PABPC1L: variants seen among roughly 807,000 people sequenced by gnomAD.
The protein encoded by PABPC1L is poly(A) binding protein cytoplasmic 1 like, also known as polyadenylate-binding protein 1-like.
In PABPC1L, 31 loss-of-function variants were observed where a neutral mutation model predicts 66.6. That is an observed-to-expected ratio of 0.47 (90% CI 0.35 to 0.63). The LOEUF (loss-of-function observed/expected upper bound fraction) is 0.63. Ranked by LOEUF, PABPC1L falls within the 20% of genes least tolerant of loss-of-function variation. The probability of loss-of-function intolerance (pLI) is 0.00; values close to 1 mark genes in which losing one functional copy is unlikely to be tolerated. For synonymous variants in PABPC1L, 348 were observed against 335.1 expected (o/e 1.04, Z -0.42); for missense variants, 722 against 848.8 (o/e 0.85, Z 1.86).
Position 44,932,324 on chromosome 20 carries a change from T to C in PABPC1L, c.1240-18T>C. 6.3e-7 allele frequency: 1 copy of C among 1,590,562 alleles called. No individual in the cohort carries two copies. On this transcript the variant is annotated intron_variant, in intron 8 of 14. Transcript: ENST00000217073. The stretch of plus-strand genomic sequence containing the variant: ...CTGCCGCCAAGCCCCTCAGTCTGGG[T>C]CTTCTTTTCCCATGCAGCCTCCAGC...
chr20:44,917,190 T>G (rs1054092110), intron 3 of PABPC1L, among the ~76,000 whole-genome samples: 2 of 152,048 alleles, frequency 1.3e-5, no homozygotes, highest in East Asian at 1.9e-4. Context: ...CAGTATGGGG[T>G]GTATGTGTGT....
At chr20:44,933,253 T>C in intron 10 of PABPC1L, 68 bp downstream of exon 10, 1 of 1,331,024 alleles carries the variant, frequency 7.5e-7, no homozygotes. Flanking sequence ...AGGACCAGCC[T>C]CCATGGTGAC....
chr20:44,936,972 T>C, intron 12 of PABPC1L: 1 of 620,448 alleles, frequency 1.6e-6, no homozygotes, highest in South Asian at 1.5e-5. Context: ...TCCTGTGACT[T>C]TGAGGTTGGG....
rs1466298814 is a variant in PABPC1L at position 44,932,443 on chromosome 20, C to T, written c.1330+11C>T. ...CACCTAGACCTTCCTGTGAGTGACC[C>T]AGCCCCTTCCACTCTCAGACTGGCC... On this transcript the variant is annotated intron_variant, in intron 9 of 14. Coordinates refer to ENST00000217073, the MANE Select transcript of PABPC1L (RefSeq NM_001372179.1). The T allele has an allele frequency of 6.2e-7, 1 of 1,604,344 alleles. No individual in the cohort carries two copies. The highest frequency in any genetic ancestry group is 2.2e-5 in the East Asian group (1 of 44,628).
At chr20:44,915,814 A>AG (rs1196462484) in intron 2 of PABPC1L, among the ~76,000 whole-genome samples, 1 of 152,088 alleles carries the variant, frequency 6.6e-6, no homozygotes, top group Non-Finnish European at 1.5e-5. Context: ...AAAAAAAAAA[A>AG]AAAAATTGAA....
chr20:44,910,662 T>C (rs577808151), intron 1 of PABPC1L, among the ~76,000 whole-genome samples: 157 of 152,272 alleles, frequency 1.0e-3, no homozygotes, highest in Middle Eastern at 6.8e-3. Context: ...ACTCGACCAT[T>C]CTGAGCTTCA....
rs770331315 is a variant in PABPC1L at position 44,937,024 on chromosome 20, G to GT, written c.1660+295dup. On this transcript the variant is annotated intron_variant, in intron 12 of 14. Transcript: ENST00000217073. The stretch of plus-strand genomic sequence containing the variant: ...GGGAGATCAGGGGACAAAGGGAGGA[G>GT]TAGGGGTATGGTCTTGGGTTTCTGC... 1.7e-5 allele frequency: 9 copies of GT among 541,352 alleles called. No homozygotes were observed. The East Asian group carries it at 3.8e-4, about 23-fold the overall frequency. The allele number at this position is 541,352 out of a possible 1,614,324, so 33.5% of individuals were successfully genotyped here. A position where few individuals can be genotyped will look rare whatever the true frequency, so the allele number is the denominator to read the frequency against.
At position 44,930,664 on chromosome 20, in the gene PABPC1L, A is replaced by G. The variant is rs2066845614; in HGVS notation, c.1177A>G (p.Ser393Gly). ...GCGCCTCTCCACCATGCGGACCCTG[A>G]GCAACCCCCTCCTGGGCTCCTTTCA... ...MQRLSTMRTL[S>G]NPLLGSFQQP... Residue 393 changes from serine (S) to glycine (G), a missense_variant, in exon 8 of 15, where the codon AGC (serine) becomes GGC (glycine). Coordinates refer to ENST00000217073, the MANE Select transcript of PABPC1L (RefSeq NM_001372179.1). The G allele has an allele frequency of 6.2e-7, 1 of 1,614,214 alleles. No individual in the cohort carries two copies. The highest frequency in any genetic ancestry group is 1.1e-5 in the South Asian group (1 of 91,082).
chr20:44,910,094 C>G lies in PABPC1L; in HGVS notation c.-50C>G. On this transcript the variant is annotated 5_prime_UTR_variant, in exon 1 of 15. Coordinates refer to ENST00000217073, the MANE Select transcript of PABPC1L (RefSeq NM_001372179.1). ...TTCCGCCCGGGTGAGCGCGGGGCTGCTGGGTGACCCGGCTCCTGCTTGCCC... is the reference window on the plus strand; with the variant it reads ...TTCCGCCCGGGTGAGCGCGGGGCTGGTGGGTGACCCGGCTCCTGCTTGCCC... 1 of 1,485,168 alleles carries G rather than the reference C, an allele frequency of 6.7e-7. No individual in the cohort carries two copies. The highest frequency in any genetic ancestry group is 2.6e-5 in the East Asian group (1 of 38,454). The allele number at this position is 1,485,168 out of a possible 1,614,324, so 92.0% of individuals were successfully genotyped here. A position where few individuals can be genotyped will look rare whatever the true frequency, so the allele number is the denominator to read the frequency against.
intron 2 of PABPC1L, among the ~76,000 whole-genome samples, chr20:44,914,391 G>T (rs1243711084): frequency 6.6e-6 from 1 of 151,978 alleles, no homozygotes; most frequent in African/African-American, 2.4e-5. Context: ...TGTATTTTTA[G>T]TAGAGACGGG....
chr20:44,920,715 C>T (rs867289140), intron 5 of PABPC1L, among the ~76,000 whole-genome samples: 2 of 150,630 alleles, frequency 1.3e-5, no homozygotes, highest in Non-Finnish European at 3.0e-5. Flanking sequence ...GTGATCCACC[C>T]GCCTTGGCCT....
chr20:44,932,505 G>A, intron 9 of PABPC1L, 73 bp downstream of exon 9: 1 of 1,368,016 alleles, frequency 7.3e-7, no homozygotes, highest in South Asian at 1.3e-5. Flanking sequence ...CATAACACAG[G>A]GATGAAACCT....
Position 44,924,155 on chromosome 20 carries a change from TC to T in PABPC1L, c.877-3del. 6.2e-7 allele frequency: 1 copy of T among 1,611,116 alleles called. No individual in the cohort carries two copies. The highest frequency in any genetic ancestry group is 8.5e-7 in the Non-Finnish European group (1 of 1,177,370). ...GGGACATCCAGCAGTTTCCCTTCCATCCCAGGGTGTGAACTTGTATGTGAAG... is the reference window on the plus strand; with the variant it reads ...GGGACATCCAGCAGTTTCCCTTCCATCCAGGGTGTGAACTTGTATGTGAAG... On this transcript the variant is annotated splice_polypyrimidine_tract_variant and splice_region_variant and intron_variant, in intron 6 of 14. Coordinates refer to ENST00000217073, the MANE Select transcript of PABPC1L (RefSeq NM_001372179.1).
chr20:44,912,114 A>G (rs916044624), intron 1 of PABPC1L, among the ~76,000 whole-genome samples: 1 of 152,230 alleles, frequency 6.6e-6, no homozygotes, highest in Non-Finnish European at 1.5e-5. Context: ...AGGTGTGGAA[A>G]AGTAGGTAAT....
chr20:44,933,306 CTG>C lies in PABPC1L; in HGVS notation c.1459+123_1459+124del, dbSNP rs1212983225. The C allele has an allele frequency of 6.2e-6, 5 of 810,032 alleles. No individual in the cohort carries two copies. In the East Asian group the frequency reaches 1.1e-4, roughly 17 times the overall value. 50.2% of individuals were successfully genotyped at this position (810,032 alleles called of 1,614,324 possible). A position where few individuals can be genotyped will look rare whatever the true frequency, so the allele number is the denominator to read the frequency against. On this transcript the variant is annotated intron_variant, in intron 10 of 14. Coordinates refer to ENST00000217073, the MANE Select transcript of PABPC1L (RefSeq NM_001372179.1). The stretch of plus-strand genomic sequence containing the variant: ...CGGTGAGCAAAGCTGACTTTGGAGA[CTG>C]TAGCGTGGTAGTTAGCTTGGCCTCC...
chr20:44,917,786 A>G (rs2425679), intron 3 of PABPC1L, among the ~76,000 whole-genome samples: 63,363 of 151,788 alleles, frequency 0.42, 13,807 homozygotes, highest in African/African-American at 0.53. Context: ...GGTTACTCAG[A>G]GGAGGGTCCA....
At chr20:44,920,424 G>A (rs912735520) in intron 5 of PABPC1L, among the ~76,000 whole-genome samples, 14 of 151,736 alleles carry the variant, frequency 9.2e-5, no homozygotes, top group Non-Finnish European at 1.9e-4. Flanking sequence ...TTAGTAATAC[G>A]CATTTAAAAT....
chr20:44,929,370 G>A (rs1347910900), intron 7 of PABPC1L, among the ~76,000 whole-genome samples: 1 of 152,196 alleles, frequency 6.6e-6, no homozygotes, highest in Non-Finnish European at 1.5e-5. Context: ...TTCCAGTGAA[G>A]TCTGGAGTTC....
chr20:44,935,547 G>A (rs369126285), intron 11 of PABPC1L, 50 bp downstream of exon 11: 12 of 1,527,786 alleles, frequency 7.9e-6, no homozygotes, highest in South Asian at 5.7e-5. Flanking sequence ...TGGCCGCCTG[G>A]CTCAGAACCT....
Sources: allele counts gnomAD v4.1 joint callset (sites outside exome capture counted in the v4.1 genomes callset), GRCh38; gene constraint gnomAD v4.1.1; transcripts MANE v1.5; gene names NCBI Gene and HGNC (gene_info 2026-07-23, HGNC 2026-07-21).